XIRP2: variants seen among roughly 807,000 people sequenced by gnomAD.
The protein encoded by XIRP2 is xin actin binding repeat containing 2, also known as xin actin-binding repeat-containing protein 2.
Under a neutral mutation model 277.0 loss-of-function variants are expected in XIRP2, and 236 were observed. The observed-to-expected ratio is 0.85, with a 90% CI of 0.77 to 0.95. The LOEUF (loss-of-function observed/expected upper bound fraction) is 0.95, where lower values mean the gene tolerates loss of function less well. Among genes scored for constraint, XIRP2 ranks in the 40% least tolerant of loss-of-function variants. XIRP2 has a pLI of 0.00. For synonymous variants in XIRP2, 1,490 were observed against 1,416.5 expected, an observed-to-expected ratio of 1.05 and a Z score of -1.17; for missense variants, 4,640 against 4,157.5, an observed-to-expected ratio of 1.12 and a Z score of -3.19.
At chr2:167,020,157 A>C (rs765952549) in intron 2 of XIRP2, among the ~76,000 whole-genome samples, 1 of 152,120 alleles carries the variant, frequency 6.6e-6, no homozygotes, top group Non-Finnish European at 1.5e-5. Flanking sequence ...CCAAAATTCA[A>C]AACGAAAAGA....
intron 3 of XIRP2, among the ~76,000 whole-genome samples, chr2:167,152,954 T>C (rs1692058703): frequency 6.6e-6 from 1 of 152,106 alleles, no homozygotes; most frequent in African/African-American, 2.4e-5. Flanking sequence ...CTCCCCCAAA[T>C]GCAAACTTTC....
At chr2:167,234,678 G>GTAAAGGCTCCAGTT (rs1334371284) in intron 5 of XIRP2, among the ~76,000 whole-genome samples, 2 of 151,796 alleles carry the variant, frequency 1.3e-5, no homozygotes, top group Non-Finnish European at 3.0e-5. Flanking sequence ...TTTAGGCAGA[G>GTAAAGGCTCCAGTT]TTACTATTGA....
chr2:167,248,639 C>A lies in XIRP2; in HGVS notation c.7247C>A (p.Thr2416Asn), dbSNP rs1695363647. ...CAGGCTAAAATCATAACAGGAAAAA[C>A]CGGTGTGTTGCCACCTCCCACATTG... ...NSQAKIITGK[T>N]GVLPPPTLPK... Residue 2416 changes from threonine (T) to asparagine (N), a missense_variant, in exon 9 of 11, where the codon ACC becomes AAC. Coordinates refer to ENST00000409195, the MANE Select transcript of XIRP2 (RefSeq NM_152381.6). 2 of 1,613,594 alleles carry A rather than the reference C, an allele frequency of 1.2e-6. No homozygotes were observed. Among genetic ancestry groups the A allele is most frequent in the African/African-American group, 1.3e-5 (1 of 74,862 alleles).
chr2:166,906,390 A>G (rs1684525583), intron 2 of XIRP2, among the ~76,000 whole-genome samples: 1 of 152,090 alleles, frequency 6.6e-6, no homozygotes, highest in African/African-American at 2.4e-5. Flanking sequence ...ATACACATAC[A>G]TTATGTATAC....
At chr2:167,213,720 A>C (rs1276013355) in intron 4 of XIRP2, among the ~76,000 whole-genome samples, 1 of 152,196 alleles carries the variant, frequency 6.6e-6, no homozygotes, top group Non-Finnish European at 1.5e-5. Context: ...TGAGCAAGGA[A>C]GCATTACTCC....
Position 166,896,478 on chromosome 2 carries a change from A to C in XIRP2, c.-18-6987A>C, listed in dbSNP as rs1317283579. ...AATGTATATGTCTTAGTTTTTAATAAAAATTTTTAAAAAGTAAAAAAAAAA... is the reference window on the plus strand; with the variant it reads ...AATGTATATGTCTTAGTTTTTAATACAAATTTTTAAAAAGTAAAAAAAAAA... On this transcript the variant is annotated intron_variant, in intron 1 of 10. Transcript: ENST00000409195. Among the ~76,000 whole-genome samples the C allele has an allele frequency of 2.6e-5, 4 of 151,972 alleles. No homozygotes were observed. In the East Asian group the frequency reaches 7.8e-4, roughly 30 times the overall value.
chr2:167,000,501 T>C (rs1052474390), intron 2 of XIRP2, among the ~76,000 whole-genome samples: 6 of 149,356 alleles, frequency 4.0e-5, no homozygotes, highest in Admixed American at 1.4e-4. Context: ...GTTTTTGTTT[T>C]GGGGTTTTTT....
chr2:167,188,193 T>C (rs2105363403), intron 3 of XIRP2, among the ~76,000 whole-genome samples: 1 of 152,310 alleles, frequency 6.6e-6, no homozygotes, highest in Non-Finnish European at 1.5e-5. Context: ...TTTAAAGATA[T>C]CATGCCCTAT....
At position 167,249,757 on chromosome 2, in the gene XIRP2, A is replaced by G; in HGVS notation, c.8365A>G (p.Ile2789Val). The G allele has an allele frequency of 1.9e-6, 3 of 1,613,402 alleles. No homozygotes were observed. Among genetic ancestry groups the G allele is most frequent in the Non-Finnish European group, 1.7e-6 (2 of 1,179,746 alleles). Residue 2789 changes from isoleucine (I) to valine (V), a missense_variant, in exon 9 of 11, where the codon ATA (isoleucine) becomes GTA (valine). Transcript: ENST00000409195. Reference protein sequence around the residue: ...RVTVQLPTESIQKNQEDKLKM... With the variant: ...RVTVQLPTESVQKNQEDKLKM... The stretch of plus-strand genomic sequence containing the variant: ...GACAGTACAATTGCCTACAGAATCC[A>G]TACAGAAGAACCAGGAAGATAAGCT...
intron 2 of XIRP2, among the ~76,000 whole-genome samples, chr2:167,102,307 G>A (rs1047976480): frequency 1.9e-4 from 29 of 152,292 alleles, no homozygotes; most frequent in Admixed American, 1.0e-3. Flanking sequence ...GCCTGCACAA[G>A]AAGTCCTTTG....
rs1353216344 is a variant in XIRP2, at chr2:167,083,947, A to G, written c.409-51962A>G. On this transcript the variant is annotated intron_variant, in intron 2 of 10. Coordinates refer to ENST00000409195, the MANE Select transcript of XIRP2 (RefSeq NM_152381.6). The stretch of plus-strand genomic sequence containing the variant: ...TACCCTTTATTTCCTTCTCCTGCCT[A>G]ATTGCCCTGGCCAGAACTTCCAACA... Among the ~76,000 whole-genome samples, 1,324 of 150,834 alleles carry G rather than the reference A, an allele frequency of 8.8e-3. 10 individuals carry two copies. Among genetic ancestry groups the G allele is most frequent in the Non-Finnish European group, 0.015 (1,008 of 67,442 alleles).
chr2:167,029,904 G>C (rs768466479), intron 2 of XIRP2, among the ~76,000 whole-genome samples: 2 of 151,934 alleles, frequency 1.3e-5, no homozygotes, highest in African/African-American at 4.8e-5. Context: ...ATCAGTTCAG[G>C]GATTGGACTT....
intron 3 of XIRP2, 114 bp from the exon 4 acceptor site, chr2:167,210,621 C>T: frequency 7.4e-7 from 1 of 1,344,694 alleles, no homozygotes; most frequent in South Asian, 1.4e-5. Flanking sequence ...TTGTGAAATG[C>T]TACAGTCCAT....
chr2:166,981,734 A>T (rs1005026224), intron 2 of XIRP2, among the ~76,000 whole-genome samples: 6 of 152,142 alleles, frequency 3.9e-5, no homozygotes, highest in African/African-American at 1.4e-4. Flanking sequence ...ATCAGTCGTG[A>T]TGGATTAGGG....
intron 2 of XIRP2, among the ~76,000 whole-genome samples, 197 bp from the exon 3 acceptor site, chr2:167,135,712 G>T (rs1439523660): frequency 6.6e-6 from 1 of 152,134 alleles, no homozygotes. Flanking sequence ...ACCAGTGGCA[G>T]AAAAGTAAAC....
intron 5 of XIRP2, among the ~76,000 whole-genome samples, chr2:167,230,986 T>A (rs192819303): frequency 6.6e-6 from 1 of 152,112 alleles, no homozygotes; most frequent in African/African-American, 2.4e-5. Flanking sequence ...ACTCCCCTAG[T>A]TGCTCGTAGA....
chr2:167,140,281 A>T (rs1691674997), intron 3 of XIRP2, among the ~76,000 whole-genome samples: 1 of 152,220 alleles, frequency 6.6e-6, no homozygotes. Flanking sequence ...CATCTTTTCT[A>T]GAGCTTAATT....
chr2:166,996,318 A>T (rs1400945783), intron 2 of XIRP2, among the ~76,000 whole-genome samples: 1 of 152,200 alleles, frequency 6.6e-6, no homozygotes, highest in African/African-American at 2.4e-5. Context: ...GTTATTTGCC[A>T]ACATAAGTAA....
intron 3 of XIRP2, among the ~76,000 whole-genome samples, chr2:167,176,925 C>A (rs1456843205): frequency 6.6e-6 from 1 of 152,154 alleles, no homozygotes; most frequent in African/African-American, 2.4e-5. Flanking sequence ...GCTCCTCTGT[C>A]CCTAATTCAT....
Sources: allele counts gnomAD v4.1 joint callset (sites outside exome capture counted in the v4.1 genomes callset), GRCh38; gene constraint gnomAD v4.1.1; transcripts MANE v1.5; gene names NCBI Gene and HGNC (gene_info 2026-07-23, HGNC 2026-07-21).